THRB: variants seen among roughly 807,000 people sequenced by gnomAD.
The protein encoded by THRB is thyroid hormone receptor beta, also known as nuclear receptor subfamily 1 group A member 2.
Under a neutral mutation model 47.8 loss-of-function variants are expected in THRB, and 12 were observed. The ratio of observed to expected loss-of-function variants is 0.25; its 90% CI spans 0.16 to 0.41. The LOEUF (loss-of-function observed/expected upper bound fraction) is 0.41. Ranked by LOEUF, THRB falls within the 10% of genes least tolerant of loss-of-function variation. THRB has a pLI of 1.00. For missense variants in THRB, 348 were observed against 589.2 expected, an observed-to-expected ratio of 0.59 and a Z score of 4.24; for synonymous variants, 218 against 212.2, an observed-to-expected ratio of 1.03 and a Z score of -0.24.
At chr3:24,172,665 A>C (rs1265158216) in intron 5 of THRB, among the ~76,000 whole-genome samples, 1 of 152,178 alleles carries the variant, frequency 6.6e-6, no homozygotes, top group Non-Finnish European at 1.5e-5. Context: ...GATCTGGTGC[A>C]GTGGAAAAAA....
intron 5 of THRB, chr3:24,165,614 A>C: frequency 2.4e-6 from 1 of 416,786 alleles, no homozygotes; most frequent in Non-Finnish European, 4.3e-6. Flanking sequence ...ACATATTGGA[A>C]AGCAGATTTA....
chr3:24,258,177 C>G (rs554679888), intron 3 of THRB, among the ~76,000 whole-genome samples: 19 of 152,218 alleles, frequency 1.2e-4, no homozygotes, highest in Admixed American at 2.0e-4. Flanking sequence ...GGGCCTCGGA[C>G]TCATTTGGGG....
chr3:24,303,075 T>A (rs2057069154), intron 2 of THRB, among the ~76,000 whole-genome samples: 1 of 152,224 alleles, frequency 6.6e-6, no homozygotes. Context: ...GTTGTATTCA[T>A]TATGCCAGTT....
At chr3:24,447,850 G>A (rs767726385) in intron 1 of THRB, among the ~76,000 whole-genome samples, 4 of 151,922 alleles carry the variant, frequency 2.6e-5, no homozygotes, top group Admixed American at 6.6e-5. Context: ...AAATGGTATC[G>A]GAGGAGTTTG....
intron 8 of THRB, among the ~76,000 whole-genome samples, chr3:24,138,582 T>C (rs2035007125): frequency 6.6e-6 from 1 of 152,230 alleles, no homozygotes; most frequent in South Asian, 2.1e-4. Flanking sequence ...AAGGCAAGCA[T>C]GGAACCTTGG....
intron 5 of THRB, among the ~76,000 whole-genome samples, chr3:24,175,406 A>G (rs2041008067): frequency 6.6e-6 from 1 of 152,222 alleles, no homozygotes; most frequent in Non-Finnish European, 1.5e-5. Flanking sequence ...TTTCCCAAGA[A>G]GACCAAAGGC....
Position 24,122,812 on chromosome 3 carries a change from AAAAG to A in THRB, c.*68_*71del. ...CCTCCCAACACAAAGAAACAAACAA[AAAAG>A]AGCTAGGCAATGGAATGAAATGACA... On this transcript the variant is annotated 3_prime_UTR_variant, in exon 11 of 11. Coordinates refer to ENST00000646209, the MANE Select transcript of THRB (RefSeq NM_001354712.2). 1 of 1,607,344 alleles carries A rather than the reference AAAAG, an allele frequency of 6.2e-7. No individual in the cohort carries two copies. The highest frequency in any genetic ancestry group is 1.1e-5 in the South Asian group (1 of 90,774).
chr3:24,189,846 G>C (rs972511478), intron 5 of THRB, among the ~76,000 whole-genome samples: 4 of 152,174 alleles, frequency 2.6e-5, no homozygotes, highest in Non-Finnish European at 5.9e-5. Context: ...CACCCCAAGT[G>C]TCCCAGCACA....
Position 24,453,651 on chromosome 3 carries a change from G to A in THRB, c.-261+41001C>T, listed in dbSNP as rs150550851. Among the ~76,000 whole-genome samples, 415 of 152,236 alleles carry A rather than the reference G, an allele frequency of 2.7e-3. 2 individuals carry two copies. The highest frequency in any genetic ancestry group is 9.5e-3 in the African/African-American group (396 of 41,548). On this transcript the variant is annotated intron_variant, in intron 1 of 10. Coordinates refer to ENST00000646209, the MANE Select transcript of THRB (RefSeq NM_001354712.2). ...GTTTATATTGGATCACGCCATTTCCGCTGCTAAAATCCACAAAACCACTCA... is the reference window on the plus strand; with the variant it reads ...GTTTATATTGGATCACGCCATTTCCACTGCTAAAATCCACAAAACCACTCA...
At chr3:24,452,964 G>A (rs982568128) in intron 1 of THRB, among the ~76,000 whole-genome samples, 1 of 11,292 alleles carries the variant, frequency 8.9e-5, no homozygotes. Context: ...CTTGAAGCCC[G>A]ACATCTCTCC....
At chr3:24,189,670 C>T (rs1220277797) in intron 5 of THRB, among the ~76,000 whole-genome samples, 3 of 152,126 alleles carry the variant, frequency 2.0e-5, no homozygotes, top group East Asian at 3.8e-4. Flanking sequence ...ATTGAGATCC[C>T]ATTAGCTACT....
intron 5 of THRB, among the ~76,000 whole-genome samples, chr3:24,173,562 A>G (rs995260076): frequency 6.6e-6 from 1 of 152,158 alleles, no homozygotes; most frequent in Admixed American, 6.5e-5. Flanking sequence ...TAATACTATC[A>G]CAACAGCACA....
At position 24,268,679 on chromosome 3, in the gene THRB, TCTC is replaced by T. The variant is rs2052916428; in HGVS notation, c.-43+28544_-43+28546del. Among the ~76,000 whole-genome samples, 3 of 152,166 alleles carry T rather than the reference TCTC, an allele frequency of 2.0e-5. No individual in the cohort carries two copies. In the South Asian group the frequency reaches 6.2e-4, roughly 31 times the overall value. ...ACCCATCCTTCCTTTCTCCTTGTTTTCTCCTATTTTATACCTATGAATGGATAA... is the reference window on the plus strand; with the variant it reads ...ACCCATCCTTCCTTTCTCCTTGTTTTCTATTTTATACCTATGAATGGATAA... On this transcript the variant is annotated intron_variant, in intron 3 of 10. Coordinates refer to ENST00000646209, the MANE Select transcript of THRB (RefSeq NM_001354712.2).
At chr3:24,303,272 T>A (rs1286254129) in intron 2 of THRB, among the ~76,000 whole-genome samples, 1 of 152,224 alleles carries the variant, frequency 6.6e-6, no homozygotes, top group African/African-American at 2.4e-5. Context: ...AGTGCCCTCA[T>A]ATTTTGAGTC....
At chr3:24,285,029 C>T (rs2150899151) in intron 3 of THRB, among the ~76,000 whole-genome samples, 1 of 152,078 alleles carries the variant, frequency 6.6e-6, no homozygotes, top group Admixed American at 6.5e-5. Flanking sequence ...TGTGGTGATT[C>T]CTCAGGGATC....
At chr3:24,234,688 A>G (rs948692576) in intron 3 of THRB, among the ~76,000 whole-genome samples, 3 of 152,226 alleles carry the variant, frequency 2.0e-5, no homozygotes, top group Non-Finnish European at 2.9e-5. Context: ...GGGATACAAG[A>G]TGTGTTTGAA....
chr3:24,306,206 C>T (rs1256469145), intron 2 of THRB, among the ~76,000 whole-genome samples: 2 of 152,184 alleles, frequency 1.3e-5, no homozygotes, highest in East Asian at 3.8e-4. Context: ...TGGTTACCTG[C>T]AATTCTGGTT....
chr3:24,420,188 C>T (rs1052704222), intron 1 of THRB, among the ~76,000 whole-genome samples: 1 of 151,862 alleles, frequency 6.6e-6, no homozygotes, highest in Non-Finnish European at 1.5e-5. Flanking sequence ...CTCAGTGTCT[C>T]CCAGGACCAG....
intron 1 of THRB, chr3:24,484,166 A>G (rs1696904175): frequency 6.6e-6 from 1 of 152,224 alleles, no homozygotes; most frequent in Admixed American, 6.5e-5. Context: ...ATAAACTTCC[A>G]TTTGTTTGAG....
Sources: gnomAD v4.1 joint callset for allele counts (sites outside exome capture counted in the v4.1 genomes callset) on GRCh38, gnomAD v4.1.1 for gene constraint, MANE v1.5 for transcripts, NCBI Gene and HGNC (gene_info 2026-07-23, HGNC 2026-07-21) for gene names.